Variants in VIT observed in about 807,000 individuals in gnomAD.
The protein encoded by VIT is vitrin.
In VIT, 99 loss-of-function variants were observed where a neutral mutation model predicts 78.0. The observed-to-expected ratio is 1.27, with a 90% CI of 1.08 to 1.50. The LOEUF (loss-of-function observed/expected upper bound fraction) is 1.50. Among genes scored for constraint, VIT ranks in the 40% most tolerant of loss-of-function variants. VIT has a pLI of 0.00. For missense variants in VIT, 1,126 were observed against 875.3 expected (o/e 1.29, Z -3.61); for synonymous variants, 374 against 334.3 (o/e 1.12, Z -1.29).
At position 36,805,572 on chromosome 2, in the gene VIT, AGAG is replaced by A; in HGVS notation, c.1298_1300del (p.Arg433_Glu434delinsLys). 6.2e-7 allele frequency: 1 copy of A among 1,614,024 alleles called. No homozygotes were observed. Among genetic ancestry groups the A allele is most frequent in the Non-Finnish European group, 8.5e-7 (1 of 1,179,930 alleles). ...AGTGGAGGAGGCTTCAAGACTTGCGAGAGAGTCAGGAATCAACATTTTCTTCAT... is the reference window on the plus strand; with the variant it reads ...AGTGGAGGAGGCTTCAAGACTTGCGAAGTCAGGAATCAACATTTTCTTCAT... On this transcript the variant is annotated inframe_deletion, in exon 14 of 16. Coordinates refer to ENST00000379242, the MANE Select transcript of VIT (RefSeq NM_053276.4).
At chr2:36,697,420 A>T (rs1664747663) in intron 1 of VIT, among the ~76,000 whole-genome samples, 1 of 152,258 alleles carries the variant, frequency 6.6e-6, no homozygotes, top group Non-Finnish European at 1.5e-5. Flanking sequence ...TGCTAACTTA[A>T]AAGAGAAACT....
At chr2:36,803,740 G>A (rs576014817) in intron 13 of VIT, among the ~76,000 whole-genome samples, 1 of 152,234 alleles carries the variant, frequency 6.6e-6, no homozygotes, top group South Asian at 2.1e-4. Flanking sequence ...ACAGGATGCT[G>A]GCCAAAATCA....
intron 3 of VIT, among the ~76,000 whole-genome samples, chr2:36,740,055 G>C (rs558978919): frequency 8.0e-4 from 121 of 152,188 alleles, no homozygotes; most frequent in Non-Finnish European, 1.5e-3. Flanking sequence ...GCTCCCTTTA[G>C]ACCTACAACT....
chr2:36,781,644 T>G, intron 9 of VIT, 83 bp from the exon 10 acceptor site: 1 of 1,514,876 alleles, frequency 6.6e-7, no homozygotes, highest in Non-Finnish European at 9.1e-7. Context: ...TTGGGAAACC[T>G]TATCATCCCG....
chr2:36,784,203 G>A (rs1213437823), intron 11 of VIT, among the ~76,000 whole-genome samples: 1 of 152,224 alleles, frequency 6.6e-6, no homozygotes, highest in Non-Finnish European at 1.5e-5. Context: ...TGCAAGGTAT[G>A]GAAAGAAAGC....
Position 36,728,834 on chromosome 2 carries a change from A to AAAAAAAAAAAG in VIT, c.53-590_53-589insAAAAAAAAGAA, listed in dbSNP as rs761254776. On this transcript the variant is annotated intron_variant, in intron 2 of 15. Coordinates refer to ENST00000379242, the MANE Select transcript of VIT (RefSeq NM_053276.4). Reference sequence around the variant, plus strand: ...TCTCAAAAAAAAAAAAAAAAAGAAAAAAGAAAAAATATTTTTTATAAATTT... The same window carrying AAAAAAAAAAAG: ...TCTCAAAAAAAAAAAAAAAAAGAAAAAAAAAAAAAAGAAGAAAAAATATTTTTTATAAATTT... Among the ~76,000 whole-genome samples the AAAAAAAAAAAG allele has an allele frequency of 5.0e-4, 74 of 146,772 alleles. 7 individuals are homozygous for AAAAAAAAAAAG. The highest frequency in any genetic ancestry group is 1.0e-3 in the Non-Finnish European group (66 of 66,234).
intron 6 of VIT, chr2:36,759,248 T>C (rs1668964542): frequency 6.6e-7 from 1 of 1,506,542 alleles, no homozygotes; most frequent in African/African-American, 1.4e-5. Flanking sequence ...TTATTTTTTG[T>C]TTTTGCAATT....
chr2:36,707,952 T>C (rs904082058), intron 1 of VIT, among the ~76,000 whole-genome samples: 1 of 151,966 alleles, frequency 6.6e-6, no homozygotes, highest in Admixed American at 6.6e-5. Flanking sequence ...GCACTCTCTC[T>C]CTCTTTCACA....
At chr2:36,757,693 T>A (rs2148558221) in intron 5 of VIT, among the ~76,000 whole-genome samples, 1 of 152,326 alleles carries the variant, frequency 6.6e-6, no homozygotes. Context: ...CACGTGGCAT[T>A]TATAGGTAAC....
chr2:36,804,942 C>T (rs186863436), intron 13 of VIT, among the ~76,000 whole-genome samples: 97 of 152,172 alleles, frequency 6.4e-4, no homozygotes, highest in African/African-American at 2.1e-3. Flanking sequence ...ACAGTGGTAA[C>T]GGCTGCACAT....
chr2:36,790,670 C>T (rs1265404144), intron 12 of VIT, among the ~76,000 whole-genome samples: 1 of 152,168 alleles, frequency 6.6e-6, no homozygotes, highest in Non-Finnish European at 1.5e-5. Flanking sequence ...AAATATTAGT[C>T]TTGAGTTAAT....
chr2:36,731,032 A>T (rs1000817366), intron 3 of VIT, among the ~76,000 whole-genome samples: 1 of 152,176 alleles, frequency 6.6e-6, no homozygotes, highest in African/African-American at 2.4e-5. Flanking sequence ...CCAAACAGGA[A>T]GACAGGTTCT....
intron 1 of VIT, among the ~76,000 whole-genome samples, chr2:36,711,234 T>G (rs1179392790): frequency 6.6e-6 from 1 of 152,226 alleles, no homozygotes; most frequent in Admixed American, 6.5e-5. Flanking sequence ...TTTTCCCTGC[T>G]TAAATTACTT....
intron 2 of VIT, among the ~76,000 whole-genome samples, chr2:36,728,586 G>T (rs1666998234): frequency 1.1e-5 from 1 of 91,456 alleles, no homozygotes; most frequent in Non-Finnish European, 2.7e-5. Flanking sequence ...GGCCGAGGCG[G>T]GCGGATCACG....
intron 2 of VIT, among the ~76,000 whole-genome samples, chr2:36,724,551 A>G (rs1273864008): frequency 6.6e-6 from 1 of 152,214 alleles, no homozygotes; most frequent in Admixed American, 6.5e-5. Flanking sequence ...GGAGGAGTGA[A>G]GACTTTCTCC....
intron 4 of VIT, among the ~76,000 whole-genome samples, chr2:36,751,167 G>C (rs111254677): frequency 0.027 from 4,049 of 152,222 alleles, 179 homozygotes; most frequent in African/African-American, 0.092. Flanking sequence ...AGGCCAAGGC[G>C]GGCAGATCAC....
chr2:36,724,742 C>T (rs1468622009), intron 2 of VIT, among the ~76,000 whole-genome samples: 1 of 152,192 alleles, frequency 6.6e-6, no homozygotes, highest in Non-Finnish European at 1.5e-5. Context: ...AGGTCTTGGG[C>T]AACCAAAAGC....
intron 1 of VIT, among the ~76,000 whole-genome samples, chr2:36,706,986 A>G (rs1051349452): frequency 2.6e-5 from 4 of 152,084 alleles, no homozygotes; most frequent in African/African-American, 9.7e-5. Flanking sequence ...TATAGGAATT[A>G]TAATGTCCAT....
At chr2:36,767,539 T>C (rs895160840) in intron 7 of VIT, among the ~76,000 whole-genome samples, 5 of 152,220 alleles carry the variant, frequency 3.3e-5, no homozygotes, top group African/African-American at 1.2e-4. Flanking sequence ...AAAAGCTCAG[T>C]TGAAGGGATG....
Sources: gnomAD v4.1 joint callset for allele counts (sites outside exome capture counted in the v4.1 genomes callset) on GRCh38, gnomAD v4.1.1 for gene constraint, MANE v1.5 for transcripts, NCBI Gene and HGNC (gene_info 2026-07-23, HGNC 2026-07-21) for gene names.